MYO5A: variants seen among roughly 807,000 people sequenced by gnomAD.
The protein encoded by MYO5A is unconventional myosin-Va.
Under a neutral mutation model 249.7 loss-of-function variants are expected in MYO5A, and 98 were observed. The observed-to-expected ratio is 0.39, with a 90% CI of 0.33 to 0.46. The LOEUF is 0.46. Ranked by LOEUF, MYO5A falls within the 20% of genes least tolerant of loss-of-function variation. The pLI is 0.98. For missense variants in MYO5A, 1,696 were observed against 2,308.8 expected (o/e 0.73, Z 5.44); for synonymous variants, 778 against 810.6 (o/e 0.96, Z 0.68).
chr15:52,377,181 C>T (rs559523377), intron 18 of MYO5A, among the ~76,000 whole-genome samples: 5 of 152,096 alleles, frequency 3.3e-5, no homozygotes, highest in South Asian at 4.2e-4. Context: ...CCTAGCACTT[C>T]GGGAGGTCAA....
At chr15:52,409,908 A>G (rs2043176454) in intron 6 of MYO5A, among the ~76,000 whole-genome samples, 1 of 152,120 alleles carries the variant, frequency 6.6e-6, no homozygotes, top group African/African-American at 2.4e-5. Context: ...TCACTATTCT[A>G]TCTAAACAAT....
intron 14 of MYO5A, 136 bp downstream of exon 14, chr15:52,387,693 T>C (rs2042026282): frequency 8.8e-6 from 6 of 679,710 alleles, no homozygotes; most frequent in Non-Finnish European, 7.6e-6. Flanking sequence ...CTAAATTACT[T>C]TGACTAACAT....
intron 1 of MYO5A, among the ~76,000 whole-genome samples, chr15:52,464,288 C>G (rs2076311302): frequency 6.6e-6 from 1 of 152,230 alleles, no homozygotes; most frequent in African/African-American, 2.4e-5. Context: ...CAGCAACTCA[C>G]TGGGGTCTTC....
Position 52,428,400 on chromosome 15 carries a change from C to A in MYO5A, c.308G>T (p.Cys103Phe). The change falls in exon 3 of 42, where the codon TGT becomes TTT. Residue 103 changes from cysteine (C) to phenylalanine (F), a missense_variant and splice_region_variant. By Grantham distance (205) the Cys-to-Phe change is radical. Transcript: ENST00000399233. ...FIDSKLIYTYCGIVLVAINPY... is the reference protein window; with the variant it reads ...FIDSKLIYTYFGIVLVAINPY... Reference sequence around the variant, plus strand: ...TTCGGAAAGCAAAGCATACTTACCACAATACGTATAAATAAGTTTGGAATC... The same window carrying A: ...TTCGGAAAGCAAAGCATACTTACCAAAATACGTATAAATAAGTTTGGAATC... The A allele has an allele frequency of 6.2e-7, 1 of 1,613,524 alleles. No homozygotes were observed. The highest frequency in any genetic ancestry group is 8.5e-7 in the Non-Finnish European group (1 of 1,179,460).
Position 52,340,178 on chromosome 15 carries a change from C to A in MYO5A, c.4239+18G>T. On this transcript the variant is annotated intron_variant, in intron 32 of 41. Transcript: ENST00000399233. ...CAGGCTAGGTTAAGAAGCATGTGGA[C>A]CCGGCAGCTCTCCTTACCAAGTTTT... The A allele has an allele frequency of 1.2e-6, 2 of 1,613,912 alleles. No homozygotes were observed. Among genetic ancestry groups the A allele is most frequent in the Non-Finnish European group, 1.7e-6 (2 of 1,179,848 alleles).
intron 1 of MYO5A, among the ~76,000 whole-genome samples, chr15:52,503,322 C>T (rs1319007511): frequency 1.3e-5 from 2 of 151,992 alleles, no homozygotes; most frequent in Non-Finnish European, 2.9e-5. Flanking sequence ...TATTATGTAT[C>T]AATAAAAAAT....
chr15:52,509,471 T>C lies in MYO5A; in HGVS notation c.27+19309A>G, dbSNP rs1465130811. ...AAAACAAAAAAACTCCATGACAGCA[T>C]GATCAGCTGACAGACAGCATGATTA... is the stretch of plus-strand genomic sequence containing the variant. On this transcript the variant is annotated intron_variant, in intron 1 of 41. Transcript: ENST00000399233. Among the ~76,000 whole-genome samples the C allele has an allele frequency of 2.0e-5, 3 of 152,222 alleles. No homozygotes were observed. In the South Asian group the frequency reaches 6.2e-4, roughly 32 times the overall value.
intron 1 of MYO5A, among the ~76,000 whole-genome samples, chr15:52,447,643 T>C (rs1373462857): frequency 2.0e-5 from 3 of 152,066 alleles, no homozygotes; most frequent in South Asian, 2.1e-4. Context: ...TAGAGACCTA[T>C]TGAATGGTTA....
At position 52,354,726 on chromosome 15, in the gene MYO5A, C is replaced by G. The variant is rs1053110360; in HGVS notation, c.3424-712G>C. ...AAAATTAGCCGGGCCTGGTGGCACA[C>G]ATCAGTAATCCCATCTACTCAGGAG... On this transcript the variant is annotated intron_variant, in intron 25 of 41. Transcript: ENST00000399233. 5.3e-5 allele frequency among the ~76,000 whole-genome samples: 8 copies of G among 152,134 alleles called. No individual in the cohort carries two copies. The South Asian group carries it at 1.5e-3, about 28-fold the overall frequency.
intron 1 of MYO5A, among the ~76,000 whole-genome samples, chr15:52,455,453 C>T (rs2076098889): frequency 6.6e-6 from 1 of 152,048 alleles, no homozygotes; most frequent in Admixed American, 6.6e-5. Flanking sequence ...GTTCCGAACT[C>T]ATTCTACAAG....
At chr15:52,387,019 T>A (rs1205403274) in intron 14 of MYO5A, among the ~76,000 whole-genome samples, 6 of 152,230 alleles carry the variant, frequency 3.9e-5, no homozygotes, top group African/African-American at 1.2e-4. Flanking sequence ...AAACAAAGAC[T>A]GCCAGTCAGT....
chr15:52,375,704 T>C (rs1187464090), intron 19 of MYO5A, among the ~76,000 whole-genome samples: 1 of 152,356 alleles, frequency 6.6e-6, no homozygotes, highest in Middle Eastern at 3.4e-3. Flanking sequence ...GAAAGTAGGA[T>C]GGCCCACATT....
chr15:52,504,653 G>C, intron 1 of MYO5A, among the ~76,000 whole-genome samples: 1 of 152,118 alleles, frequency 6.6e-6, no homozygotes, highest in Non-Finnish European at 1.5e-5. Flanking sequence ...GGTAATCCCA[G>C]CATTTTGGGA....
rs141402020 is a variant in MYO5A, at chr15:52,349,240, G to A, written c.3850-414C>T. Among the ~76,000 whole-genome samples the A allele has an allele frequency of 4.4e-4, 67 of 152,300 alleles. 1 individual carries two copies. The East Asian group carries it at 7.1e-3, about 16-fold the overall frequency. ...AAGATTCCCAGAATACTCTAGAGGT[G>A]GAGCCAATACACAAGACCTGCCTGG... On this transcript the variant is annotated intron_variant, in intron 28 of 41. Coordinates refer to ENST00000399233, the MANE Select transcript of MYO5A (RefSeq NM_001382347.1).
intron 22 of MYO5A, among the ~76,000 whole-genome samples, chr15:52,367,867 T>G (rs1262078488): frequency 2.0e-5 from 2 of 97,810 alleles, no homozygotes; most frequent in Non-Finnish European, 3.9e-5. Context: ...ATGTATATTT[T>G]AAAACACACA....
intron 5 of MYO5A, chr15:52,415,922 T>C (rs1208043964): frequency 1.7e-6 from 1 of 583,282 alleles, no homozygotes; most frequent in East Asian, 3.1e-5. Context: ...AATTCAGGAT[T>C]ATAGACTAAA....
rs930963949 is a variant in MYO5A, at chr15:52,310,841, G to C, written c.*2855C>G. The C allele has an allele frequency of 2.6e-5, 4 of 152,202 alleles. No individual in the cohort carries two copies. The highest frequency in any genetic ancestry group is 6.5e-5 in the Admixed American group (1 of 15,276). The allele number at this position is 152,202 out of a possible 1,614,324, so 9.4% of individuals were successfully genotyped here. A position where few individuals can be genotyped will look rare whatever the true frequency, so the allele number is the denominator to read the frequency against. On this transcript the variant is annotated 3_prime_UTR_variant, in exon 42 of 42. Coordinates refer to ENST00000399233, the MANE Select transcript of MYO5A (RefSeq NM_001382347.1). The stretch of plus-strand genomic sequence containing the variant: ...TCCCCATAGTCGGCAGAATCTTCTT[G>C]TACCTTCAAGAAAATGGTATACAGA...
At chr15:52,347,020 GT>G (rs2039670447) in intron 29 of MYO5A, among the ~76,000 whole-genome samples, 1 of 151,806 alleles carries the variant, frequency 6.6e-6, no homozygotes, top group Admixed American at 6.6e-5. Flanking sequence ...CTCACATTCA[GT>G]TCTCTTTTCC....
At position 52,457,813 on chromosome 15, in the gene MYO5A, T is replaced by C. The variant is rs141557130; in HGVS notation, c.28-24528A>G. ...TGTCAAAAGCATATCTGCACCCTCA[T>C]GTTTATTGCAGTACTATTAACAATA... On this transcript the variant is annotated intron_variant, in intron 1 of 41. Coordinates refer to ENST00000399233, the MANE Select transcript of MYO5A (RefSeq NM_001382347.1). Among the ~76,000 whole-genome samples, 66 of 152,328 alleles carry C rather than the reference T, an allele frequency of 4.3e-4. 1 individual carries two copies. In the East Asian group the frequency reaches 6.9e-3, roughly 16 times the overall value.
Sources: allele counts gnomAD v4.1 joint callset (sites outside exome capture counted in the v4.1 genomes callset), GRCh38; gene constraint gnomAD v4.1.1; transcripts MANE v1.5; gene names NCBI Gene and HGNC (gene_info 2026-07-23, HGNC 2026-07-21).